PRSS12: variants seen among roughly 807,000 people sequenced by gnomAD.
The protein encoded by PRSS12 is neurotrypsin.
A neutral mutation model predicts 104.4 loss-of-function variants in PRSS12; 85 were observed. The observed-to-expected ratio is 0.81, with a 90% CI of 0.68 to 0.98. The LOEUF is 0.98. Ranked by LOEUF, PRSS12 falls within the 50% of genes least tolerant of loss-of-function variation. PRSS12 has a pLI of 0.00. For synonymous variants in PRSS12, 454 were observed against 425.2 expected (o/e 1.07, Z -0.83); for missense variants, 1,141 against 1,139.2 (o/e 1.00, Z -0.02).
chr4:118,338,190 G>T lies in PRSS12; in HGVS notation c.627C>A (p.His209Gln). The change falls in exon 2 of 13, where the codon CAC becomes CAA. Residue 209 changes from histidine (H) to glutamine (Q), a missense_variant. His to Gln is a conservative substitution (Grantham distance 24). Transcript: ENST00000296498. ...GGTACACTCACCCCAGCTGCAGCTG[G>T]TGACAAATGACTGATGCATCAGAAT... Reference protein sequence around the residue: ...WDDSDASVICHQLQLGGKGIA... With the variant: ...WDDSDASVICQQLQLGGKGIA... 5 of 1,614,020 alleles carry T rather than the reference G, an allele frequency of 3.1e-6. No homozygotes were observed. The highest frequency in any genetic ancestry group is 3.4e-6 in the Non-Finnish European group (4 of 1,179,920).
chr4:118,345,769 C>T (rs906191384), intron 1 of PRSS12, among the ~76,000 whole-genome samples: 8 of 152,108 alleles, frequency 5.3e-5, no homozygotes, highest in African/African-American at 1.9e-4. Flanking sequence ...TTTTACAGCA[C>T]TTTATAAATT....
At chr4:118,340,176 T>C (rs1216653666) in intron 1 of PRSS12, among the ~76,000 whole-genome samples, 2 of 152,188 alleles carry the variant, frequency 1.3e-5, no homozygotes, top group East Asian at 1.9e-4. Context: ...ATAATAGCAA[T>C]GATAGAGCTG....
chr4:118,299,750 TAAAA>T (rs1743349989), intron 8 of PRSS12, among the ~76,000 whole-genome samples: 1 of 44,302 alleles, frequency 2.3e-5, no homozygotes, highest in Non-Finnish European at 5.5e-5. Flanking sequence ...ATAAAATAAA[TAAAA>T]TAAATAAAAT....
At chr4:118,311,024 C>T (rs1743707788) in intron 7 of PRSS12, among the ~76,000 whole-genome samples, 1 of 152,022 alleles carries the variant, frequency 6.6e-6, no homozygotes. Flanking sequence ...GCACTCCAGC[C>T]TGGGTGACAG....
intron 9 of PRSS12, among the ~76,000 whole-genome samples, chr4:118,296,980 A>G (rs1743268891): frequency 6.6e-6 from 1 of 152,214 alleles, no homozygotes; most frequent in African/African-American, 2.4e-5. Flanking sequence ...CAAAATTTTA[A>G]GTTTACATCA....
chr4:118,292,919 G>A (rs981383129), intron 11 of PRSS12, among the ~76,000 whole-genome samples: 2 of 152,024 alleles, frequency 1.3e-5, no homozygotes, highest in East Asian at 1.9e-4. Flanking sequence ...AGAGGCTGAC[G>A]CGGGAGAATC....
chr4:118,315,659 C>T (rs1743886345), intron 6 of PRSS12, among the ~76,000 whole-genome samples: 1 of 152,120 alleles, frequency 6.6e-6, no homozygotes, highest in Non-Finnish European at 1.5e-5. Flanking sequence ...AAATACATGT[C>T]CCAAAGTGTG....
chr4:118,341,331 A>G lies in PRSS12; in HGVS notation c.503-3017T>C, dbSNP rs1350240452. Among the ~76,000 whole-genome samples the G allele has an allele frequency of 3.3e-5, 5 of 152,140 alleles. 1 individual carries two copies. The highest frequency in any genetic ancestry group is 3.3e-4 in the Admixed American group (5 of 15,270). On this transcript the variant is annotated intron_variant, in intron 1 of 12. Transcript: ENST00000296498. ...TAGTTTTCATTTGTTTTCTGGCTTT[A>G]TTTTGTTATTGCTGCATTTATTCTC... is the stretch of plus-strand genomic sequence containing the variant.
At chr4:118,328,563 G>T (rs1723839031) in intron 4 of PRSS12, among the ~76,000 whole-genome samples, 2 of 151,646 alleles carry the variant, frequency 1.3e-5, no homozygotes, top group African/African-American at 4.8e-5. Context: ...TTTGTCTCAA[G>T]GAAGAACTCT....
At chr4:118,325,880 T>C (rs1723756212) in intron 4 of PRSS12, among the ~76,000 whole-genome samples, 1 of 149,974 alleles carries the variant, frequency 6.7e-6, no homozygotes, top group Non-Finnish European at 1.5e-5. Context: ...CTGAATTATT[T>C]TCTGTGTAAA....
chr4:118,282,336 C>T (rs2126025120), intron 12 of PRSS12, 93 bp from the exon 13 acceptor site: 1 of 1,510,226 alleles, frequency 6.6e-7, no homozygotes, highest in Non-Finnish European at 9.2e-7. Context: ...AAAATAAAAT[C>T]CCTGTTGTGG....
intron 2 of PRSS12, among the ~76,000 whole-genome samples, chr4:118,336,663 A>G (rs750210052): frequency 1.3e-5 from 2 of 152,186 alleles, no homozygotes; most frequent in Non-Finnish European, 2.9e-5. Context: ...TACTTTCATC[A>G]ATCAAAAGAC....
chr4:118,295,734 A>T (rs975442978), intron 10 of PRSS12, 44 bp downstream of exon 10: 5 of 1,535,642 alleles, frequency 3.3e-6, no homozygotes, highest in Non-Finnish European at 4.5e-6. Context: ...TATGTATATA[A>T]ATAATTCTGT....
At chr4:118,299,775 A>AAAATAAAATAAAAT (rs1560768411) in intron 8 of PRSS12, among the ~76,000 whole-genome samples, 1 of 61,704 alleles carries the variant, frequency 1.6e-5, no homozygotes, top group African/African-American at 4.6e-5. Context: ...TAAATAAAAT[A>AAAATAAAATAAAAT]AAATAAAATA....
At chr4:118,283,938 CA>C (rs1742954789) in intron 11 of PRSS12, among the ~76,000 whole-genome samples, 2 of 151,868 alleles carry the variant, frequency 1.3e-5, no homozygotes, top group African/African-American at 4.8e-5. Flanking sequence ...ATTAGGAATG[CA>C]AAAAATTGAT....
At chr4:118,331,232 T>C (rs1327442220) in intron 4 of PRSS12, among the ~76,000 whole-genome samples, 3 of 152,232 alleles carry the variant, frequency 2.0e-5, no homozygotes, top group Non-Finnish European at 4.4e-5. Flanking sequence ...TTTCATGACA[T>C]AGGCTTCCTT....
At chr4:118,351,653 G>C (rs192535928) in intron 1 of PRSS12, among the ~76,000 whole-genome samples, 5 of 152,168 alleles carry the variant, frequency 3.3e-5, no homozygotes, top group Admixed American at 3.3e-4. Context: ...TACTGAGCTG[G>C]AGTATGTGAA....
chr4:118,308,978 T>C (rs1344167175), intron 7 of PRSS12, among the ~76,000 whole-genome samples: 1 of 152,092 alleles, frequency 6.6e-6, no homozygotes, highest in African/African-American at 2.4e-5. Flanking sequence ...AACAGAGAGC[T>C]AGAAGTTTAT....
chr4:118,352,657 C>G lies in PRSS12; in HGVS notation c.64G>C (p.Asp22His), dbSNP rs554340914. ...LGALPEVVGFDSVLNDSLHHS... is the reference protein window; with the variant it reads ...LGALPEVVGFHSVLNDSLHHS... ...TGGAGGGAATCATTGAGGACAGAAT[C>G]AAAGCCGACCACTTCGGGGAGCGCC... is the stretch of plus-strand genomic sequence containing the variant. Residue 22 changes from aspartate to histidine, a missense_variant, in exon 1 of 13, where the codon GAT becomes CAT. Coordinates refer to ENST00000296498, the MANE Select transcript of PRSS12 (RefSeq NM_003619.4). 6.2e-7 allele frequency: 1 copy of G among 1,613,374 alleles called. No homozygotes were observed. Among genetic ancestry groups the G allele is most frequent in the African/African-American group, 1.3e-5 (1 of 75,022 alleles).
Sources: allele counts gnomAD v4.1 joint callset (sites outside exome capture counted in the v4.1 genomes callset), GRCh38; gene constraint gnomAD v4.1.1; transcripts MANE v1.5; gene names NCBI Gene and HGNC (gene_info 2026-07-23, HGNC 2026-07-21).